Variants in CD226 observed in about 807,000 individuals in gnomAD.
The protein encoded by CD226 is CD226 molecule.
Under a neutral mutation model 34.9 loss-of-function variants are expected in CD226, and 24 were observed. The observed-to-expected ratio is 0.69, with a 90% CI of 0.50 to 0.97. The LOEUF is 0.97. Among genes scored for constraint, CD226 ranks in the 50% least tolerant of loss-of-function variants. The pLI is 0.00. For synonymous variants in CD226, 148 were observed against 147.4 expected (o/e 1.00, Z -0.03); for missense variants, 397 against 412.7 (o/e 0.96, Z 0.33).
chr18:69,899,754 C>T (rs998187125), intron 2 of CD226, among the ~76,000 whole-genome samples: 1 of 152,134 alleles, frequency 6.6e-6, no homozygotes, highest in African/African-American at 2.4e-5. Flanking sequence ...GTCAGAATGG[C>T]TATTACTAAA....
chr18:69,857,505 G>A lies in CD226; in HGVS notation c.*6809C>T, dbSNP rs939625125. 3 of 152,132 alleles carry A rather than the reference G, an allele frequency of 2.0e-5. No individual in the cohort carries two copies. Among genetic ancestry groups the A allele is most frequent in the Non-Finnish European group, 4.4e-5 (3 of 68,024 alleles). The allele number at this position is 152,132 out of a possible 1,614,324, so 9.4% of individuals were successfully genotyped here. On this transcript the variant is annotated 3_prime_UTR_variant, in exon 6 of 6. Transcript: ENST00000582621. Reference sequence around the variant, plus strand: ...TCACTGTAAGTACTTTTGGATACCTGGCATAAAGGATGTAATGAATACATG... The same window carrying A: ...TCACTGTAAGTACTTTTGGATACCTAGCATAAAGGATGTAATGAATACATG...
chr18:69,931,556 C>A (rs951810330), intron 2 of CD226, among the ~76,000 whole-genome samples: 1 of 152,076 alleles, frequency 6.6e-6, no homozygotes, highest in Non-Finnish European at 1.5e-5. Context: ...GTGTGCACTG[C>A]AAAACACAAA....
rs1982803901 is a variant in CD226, at chr18:69,861,314, TAAATA to T, written c.*2995_*2999del. 1.3e-5 allele frequency: 2 copies of T among 151,438 alleles called. No homozygotes were observed. The allele number at this position is 151,438 out of a possible 1,614,324, so 9.4% of individuals were successfully genotyped here. ...TCAACATATTATACCTAAAGTTCTTTAAATAAAGTTTGAAGGTATCTCTTATAATA... is the reference window on the plus strand; with the variant it reads ...TCAACATATTATACCTAAAGTTCTTTAAGTTTGAAGGTATCTCTTATAATA... On this transcript the variant is annotated 3_prime_UTR_variant, in exon 6 of 6. Transcript: ENST00000582621.
chr18:69,923,932 C>T (rs1380483507), intron 2 of CD226, among the ~76,000 whole-genome samples: 9 of 146,570 alleles, frequency 6.1e-5, no homozygotes, highest in Non-Finnish European at 1.0e-4. Flanking sequence ...CCAGCCTGGG[C>T]GACAGAGCGA....
At chr18:69,929,966 C>T (rs549634362) in intron 2 of CD226, among the ~76,000 whole-genome samples, 8 of 152,256 alleles carry the variant, frequency 5.3e-5, no homozygotes, top group Non-Finnish European at 2.9e-5. Context: ...GGCTGCATGC[C>T]ATCTCTGGAG....
chr18:69,951,392 CA>C (rs909885507), upstream of CD226, among the ~76,000 whole-genome samples: 16 of 152,240 alleles, frequency 1.1e-4, no homozygotes, highest in Middle Eastern at 3.4e-3. Flanking sequence ...GGAATGTGAA[CA>C]ATTTCTCTTC....
In CD226 at chr18:69,922,465, G is replaced by A. The variant is rs546596734; in HGVS notation, c.382+24269C>T. 6.0e-4 allele frequency among the ~76,000 whole-genome samples: 91 copies of A among 152,124 alleles called. 1 individual carries two copies. Among genetic ancestry groups the A allele is most frequent in the African/African-American group, 2.1e-3 (87 of 41,500 alleles). ...ACTGGATAATTTTTTATTTTCAATC[G>A]AGCCACAGTCTCACTATGTTACCCA... On this transcript the variant is annotated intron_variant, in intron 2 of 5. Coordinates refer to ENST00000582621, the MANE Select transcript of CD226 (RefSeq NM_001303618.2).
At chr18:69,902,532 C>A (rs1273055759) in intron 2 of CD226, among the ~76,000 whole-genome samples, 1 of 151,144 alleles carries the variant, frequency 6.6e-6, no homozygotes, top group Non-Finnish European at 1.5e-5. Context: ...CCTCTGCTAT[C>A]TCCTTCATGC....
chr18:69,857,387 A>G lies in CD226; in HGVS notation c.*6927T>C, dbSNP rs1278694249. 6.6e-6 allele frequency: 1 copy of G among 152,220 alleles called. No homozygotes were observed. Among genetic ancestry groups the G allele is most frequent in the Non-Finnish European group, 1.5e-5 (1 of 68,042 alleles). 9.4% of individuals were successfully genotyped at this position (152,220 alleles called of 1,614,324 possible). On this transcript the variant is annotated 3_prime_UTR_variant, in exon 6 of 6. Transcript: ENST00000582621. ...AATCAGCTCAACTGAAGCCACATCC[A>G]AAGCTGTTACTCAGAAAACTTAGTA...
At chr18:69,887,231 G>C (rs1984609483) in intron 3 of CD226, among the ~76,000 whole-genome samples, 1 of 152,132 alleles carries the variant, frequency 6.6e-6, no homozygotes, top group African/African-American at 2.4e-5. Context: ...GTGTGTATTT[G>C]TTGAGTGTTT....
intron 2 of CD226, among the ~76,000 whole-genome samples, chr18:69,930,673 G>A (rs1033911196): frequency 1.3e-5 from 2 of 152,178 alleles, no homozygotes; most frequent in Non-Finnish European, 2.9e-5. Context: ...TGGTAACAAT[G>A]ACCTGGAAAT....
intron 2 of CD226, among the ~76,000 whole-genome samples, chr18:69,925,995 T>C (rs1054813705): frequency 6.6e-6 from 1 of 151,816 alleles, no homozygotes; most frequent in African/African-American, 2.4e-5. Context: ...ATACAAAAAG[T>C]AGTCAGGTGT....
chr18:69,938,599 G>A (rs568455183), intron 2 of CD226, among the ~76,000 whole-genome samples: 5 of 152,316 alleles, frequency 3.3e-5, no homozygotes, highest in African/African-American at 9.6e-5. Context: ...TGCTAGCCAA[G>A]TTGGTCTCTT....
At chr18:69,938,399 T>C (rs1439917909) in intron 2 of CD226, among the ~76,000 whole-genome samples, 1 of 152,168 alleles carries the variant, frequency 6.6e-6, no homozygotes, top group African/African-American at 2.4e-5. Context: ...AGCTATGACC[T>C]TAGACTTCTG....
chr18:69,899,178 C>T (rs1049604560), intron 2 of CD226, among the ~76,000 whole-genome samples: 3 of 152,202 alleles, frequency 2.0e-5, no homozygotes, highest in Non-Finnish European at 2.9e-5. Flanking sequence ...AACCACTGCT[C>T]ATGTCCTGGG....
intron 1 of CD226, 99 bp from the exon 2 acceptor site, chr18:69,947,168 A>ATACT: frequency 9.4e-7 from 1 of 1,068,734 alleles, no homozygotes; most frequent in Non-Finnish European, 1.4e-6. Flanking sequence ...AGATCACAGT[A>ATACT]AAGGCTGACA....
chr18:69,936,696 G>T (rs574067236), intron 2 of CD226, among the ~76,000 whole-genome samples: 1 of 152,240 alleles, frequency 6.6e-6, no homozygotes, highest in Non-Finnish European at 1.5e-5. Context: ...TCACCAGAAT[G>T]GGCCTGAAGA....
intron 3 of CD226, among the ~76,000 whole-genome samples, chr18:69,887,057 A>T (rs1984598841): frequency 6.6e-6 from 1 of 152,242 alleles, no homozygotes; most frequent in Admixed American, 6.5e-5. Flanking sequence ...CCAATAATTT[A>T]AAAATGAATT....
At chr18:69,931,853 G>C (rs946816242) in intron 2 of CD226, among the ~76,000 whole-genome samples, 1 of 152,098 alleles carries the variant, frequency 6.6e-6, no homozygotes, top group Non-Finnish European at 1.5e-5. Flanking sequence ...GCATTAGTTT[G>C]CTAGGGCTGC....
Sources: gnomAD v4.1 joint callset for allele counts (sites outside exome capture counted in the v4.1 genomes callset) on GRCh38, gnomAD v4.1.1 for gene constraint, MANE v1.5 for transcripts, NCBI Gene and HGNC (gene_info 2026-07-23, HGNC 2026-07-21) for gene names.